LBR: variants seen among roughly 807,000 people sequenced by gnomAD.
LBR encodes delta(14)-sterol reductase LBR.
A neutral mutation model predicts 74.3 loss-of-function variants in LBR; 28 were observed. That is an observed-to-expected ratio of 0.38 (90% confidence interval 0.28 to 0.52). The LOEUF (loss-of-function observed/expected upper bound fraction) is 0.52, where lower values mean the gene tolerates loss of function less well. LBR is among the 20% of genes least tolerant of loss of function. The probability of loss-of-function intolerance (pLI) is 0.89; values close to 1 mark genes in which losing one functional copy is unlikely to be tolerated. For synonymous variants in LBR, 228 were observed against 269.3 expected, an observed-to-expected ratio of 0.85 and a Z score of 1.50; for missense variants, 717 against 760.3, an observed-to-expected ratio of 0.94 and a Z score of 0.67.
In LBR at chr1:225,402,268, G is replaced by A. The variant is rs1322281436; in HGVS notation, c.*1035C>T. 5.9e-5 allele frequency: 9 copies of A among 152,116 alleles called. No homozygotes were observed. The highest frequency in any genetic ancestry group is 9.7e-5 in the African/African-American group (4 of 41,428). The allele number at this position is 152,116 out of a possible 1,614,324, so 9.4% of individuals were successfully genotyped here. A position where few individuals can be genotyped will look rare whatever the true frequency, so the allele number is the denominator to read the frequency against. On this transcript the variant is annotated 3_prime_UTR_variant, in exon 14 of 14. Coordinates refer to ENST00000272163, the MANE Select transcript of LBR (RefSeq NM_002296.4). ...GCTTAACAGTAGCAAAAACACTGATGAACTTTTAAAAAGTCAAAAATATAT... is the reference window on the plus strand; with the variant it reads ...GCTTAACAGTAGCAAAAACACTGATAAACTTTTAAAAAGTCAAAAATATAT...
At position 225,406,806 on chromosome 1, in the gene LBR, G is replaced by T. The variant is rs374446877; in HGVS notation, c.1341C>A (p.Ile447=). The T allele has an allele frequency of 6.2e-7, 1 of 1,614,068 alleles. No homozygotes were observed. Among genetic ancestry groups the T allele is most frequent in the Non-Finnish European group, 8.5e-7 (1 of 1,180,034 alleles). ...GCATGAATCCAAATCCATCGTGGAT[G>T]ATGTCCATGGTCGTCAACAACGCTT... ...NEEALLTTMD[I]IHDGFGFMLA... Residue 447 remains isoleucine (I), a synonymous_variant, in exon 11 of 14, where the codon ATC becomes ATA. Coordinates refer to ENST00000272163, the MANE Select transcript of LBR (RefSeq NM_002296.4).
chr1:225,403,859 TG>T (rs2096086023), intron 13 of LBR, among the ~76,000 whole-genome samples: 1 of 37,720 alleles, frequency 2.7e-5, no homozygotes, highest in African/African-American at 1.1e-4. Flanking sequence ...TGGATCCCCC[TG>T]CTCCCCCAGT....
chr1:225,406,785 G>A lies in LBR; in HGVS notation c.1362C>T (p.Phe454=), dbSNP rs141510343. 1 of 1,614,206 alleles carries A rather than the reference G, an allele frequency of 6.2e-7. No homozygotes were observed. The highest frequency in any genetic ancestry group is 8.5e-7 in the Non-Finnish European group (1 of 1,180,026). ...ACACCAAGTCTCCAAAAGCCAGCAT[G>A]AATCCAAATCCATCGTGGATGATGT... The part of the protein sequence containing the change: ...TMDIIHDGFG[F]MLAFGDLVWV... Residue 454 remains phenylalanine (F), a synonymous_variant, in exon 11 of 14, where the codon TTC becomes TTT. Coordinates refer to ENST00000272163, the MANE Select transcript of LBR (RefSeq NM_002296.4).
chr1:225,415,122 T>C (rs954407780), intron 7 of LBR, among the ~76,000 whole-genome samples, 156 bp downstream of exon 7: 1 of 152,232 alleles, frequency 6.6e-6, no homozygotes, highest in African/African-American at 2.4e-5. Context: ...GCATAATTTA[T>C]ACAAGTTGGC....
chr1:225,421,542 G>T (rs1000488930), intron 3 of LBR, among the ~76,000 whole-genome samples: 3 of 152,244 alleles, frequency 2.0e-5, no homozygotes, highest in African/African-American at 7.2e-5. Flanking sequence ...TAAGTGAATA[G>T]AAGATTACTT....
chr1:225,403,881 CCCCCAGCTT>C (rs1413690632), intron 13 of LBR, among the ~76,000 whole-genome samples: 17 of 127,386 alleles, frequency 1.3e-4, no homozygotes, highest in Non-Finnish European at 2.7e-4. Context: ...TCCCCCAGCT[CCCCCAGCTT>C]CCCAAGATCC....
At chr1:225,422,351 G>A (rs748967961) in intron 2 of LBR, 74 bp from the exon 3 acceptor site, 57 of 1,213,520 alleles carry the variant, frequency 4.7e-5, no homozygotes, top group East Asian at 2.4e-4. Context: ...ACTAGAAGAG[G>A]ATAACAAAGG....
intron 5 of LBR, 120 bp from the exon 6 acceptor site, chr1:225,418,300 C>T (rs2096121261): frequency 1.9e-6 from 2 of 1,059,918 alleles, no homozygotes; most frequent in South Asian, 2.8e-5. Flanking sequence ...AAACCAATTT[C>T]TAATGTACCA....
In LBR at chr1:225,412,443, T is replaced by C. The variant is rs1378125289; in HGVS notation, c.1084+11A>G. 3 of 1,613,524 alleles carry C rather than the reference T, an allele frequency of 1.9e-6. No homozygotes were observed. The Admixed American group carries it at 5.0e-5, about 27-fold the overall frequency. ...ACGCATTCATCCAACATGCAATTCA[T>C]CACTGCTCACCAGAGCTGGCAGGCG... On this transcript the variant is annotated intron_variant, in intron 8 of 13. Transcript: ENST00000272163.
chr1:225,416,125 C>T (rs1318338369), intron 6 of LBR, among the ~76,000 whole-genome samples: 1 of 151,408 alleles, frequency 6.6e-6, no homozygotes, highest in African/African-American at 2.4e-5. Flanking sequence ...GGGAAGATGA[C>T]TTCAGCCCAG....
intron 1 of LBR, among the ~76,000 whole-genome samples, chr1:225,424,647 C>G (rs1051840599): frequency 1.1e-4 from 16 of 152,244 alleles, no homozygotes; most frequent in African/African-American, 3.6e-4. Context: ...CAAATGCATA[C>G]CAAGTAACTC....
rs558248227 is a variant in LBR, at chr1:225,403,363, G to T, written c.1788C>A (p.Gly596=). The T allele has an allele frequency of 1.6e-5, 26 of 1,613,588 alleles. No individual in the cohort carries two copies. In the Admixed American group the frequency reaches 3.5e-4, roughly 22 times the overall value. ...GCTGACAGTACTTTTCCCAAGCCACGCCGTATTTCTTCTTACAGTGGTACT... is the reference window on the plus strand; with the variant it reads ...GCTGACAGTACTTTTCCCAAGCCACTCCGTATTTCTTCTTACAGTGGTACT... ...RDEYHCKKKY[G]VAWEKYCQRV... The change falls in exon 14 of 14, where the codon GGC becomes GGA. Residue 596 remains glycine (G), a synonymous_variant. Coordinates refer to ENST00000272163, the MANE Select transcript of LBR (RefSeq NM_002296.4).
At chr1:225,403,561 A>G (rs2096085540) in intron 13 of LBR, 98 bp from the exon 14 acceptor site, 2 of 904,350 alleles carry the variant, frequency 2.2e-6, no homozygotes, top group Non-Finnish European at 1.8e-6. Flanking sequence ...TGGAACCACA[A>G]GGTACTTCAT....
chr1:225,422,190 G>C lies in LBR; in HGVS notation c.253C>G (p.Arg85Gly), dbSNP rs1293819920. 2 of 1,613,990 alleles carry C rather than the reference G, an allele frequency of 1.2e-6. No individual in the cohort carries two copies. The highest frequency in any genetic ancestry group is 1.1e-5 in the South Asian group (1 of 91,070). ...CTTTTAGGTGGTCGACCAGGGGATC[G>C]GGAGCGTGACCTTGATCGACTCCCT... is the stretch of plus-strand genomic sequence containing the variant. ...RRGSRSRSRS[R>G]SPGRPPKSAR... Residue 85 changes from arginine to glycine, a missense_variant, in exon 3 of 14, where the codon CGA becomes GGA. By Grantham distance (125) the Arg-to-Gly change is moderately radical. Coordinates refer to ENST00000272163, the MANE Select transcript of LBR (RefSeq NM_002296.4).
At chr1:225,403,985 AGCTCCCACAGCTCTCCCT>A (rs2096086408) in intron 13 of LBR, among the ~76,000 whole-genome samples, 1 of 142,050 alleles carries the variant, frequency 7.0e-6, no homozygotes, top group Non-Finnish European at 1.5e-5. Flanking sequence ...AAGCACCTCC[AGCTCCCACAGCTCTCCCT>A]GCTCCCCTGC....
At chr1:225,416,450 T>C (rs1246333140) in intron 6 of LBR, among the ~76,000 whole-genome samples, 1 of 152,242 alleles carries the variant, frequency 6.6e-6, no homozygotes, top group Non-Finnish European at 1.5e-5. Context: ...TATCATTTGC[T>C]CTGGGCTAAA....
chr1:225,403,767 A>T (rs2096085817), intron 13 of LBR, among the ~76,000 whole-genome samples: 1 of 152,156 alleles, frequency 6.6e-6, no homozygotes, highest in Admixed American at 6.5e-5. Flanking sequence ...GCAAAGAAGA[A>T]AAACTGCTGT....
At chr1:225,423,392 T>C (rs887153156) in intron 2 of LBR, among the ~76,000 whole-genome samples, 5 of 152,152 alleles carry the variant, frequency 3.3e-5, no homozygotes, top group African/African-American at 9.7e-5. Context: ...GCCCAAACCC[T>C]TGGGCATGGA....
At chr1:225,417,022 C>G (rs2096118469) in intron 6 of LBR, among the ~76,000 whole-genome samples, 2 of 152,070 alleles carry the variant, frequency 1.3e-5, no homozygotes, top group South Asian at 4.1e-4. Context: ...TGCTTTTAGT[C>G]ACTTTAGTCT....
Sources: allele counts gnomAD v4.1 joint callset (sites outside exome capture counted in the v4.1 genomes callset), GRCh38; gene constraint gnomAD v4.1.1; transcripts MANE v1.5; gene names NCBI Gene and HGNC (gene_info 2026-07-23, HGNC 2026-07-21).